The following UBXN4 variants were observed in gnomAD, a reference collection of about 807,000 sequenced individuals.
UBXN4 encodes the protein UBX domain protein 4, also known as UBX domain-containing protein 4.
UBXN4 carries 35 observed loss-of-function variants against 66.2 expected under a neutral mutation model. The observed-to-expected ratio is 0.53, with a 90% CI of 0.40 to 0.70. UBXN4 has a LOEUF of 0.70. Ranked by LOEUF, UBXN4 falls within the 30% of genes least tolerant of loss-of-function variation. UBXN4 has a pLI of 0.00. For synonymous variants in UBXN4, 203 were observed against 204.5 expected (o/e 0.99, Z 0.06); for missense variants, 533 against 599.8 (o/e 0.89, Z 1.16).
chr2:135,744,374 A>G lies in UBXN4; in HGVS notation c.82+2363A>G, dbSNP rs1265575106. 3.3e-5 allele frequency among the ~76,000 whole-genome samples: 5 copies of G among 151,394 alleles called. 1 individual carries two copies. In the East Asian group the frequency reaches 9.7e-4, roughly 29 times the overall value. On this transcript the variant is annotated intron_variant, in intron 1 of 12. Coordinates refer to ENST00000272638, the MANE Select transcript of UBXN4 (RefSeq NM_014607.4). ...TAGAGTTGATGTTAGGAGACGAGAG[A>G]TTACTACTACTTCAGCTAACAAATT...
rs376823426 is a variant in UBXN4, at chr2:135,772,910, G to A, written c.950+363G>A. On this transcript the variant is annotated intron_variant, in intron 9 of 12. Coordinates refer to ENST00000272638, the MANE Select transcript of UBXN4 (RefSeq NM_014607.4). ...AAATTAGCTGGGCATGGTGGCGGGC[G>A]CCTGTAGTCCCAGCTACGCGGGAGG... Among the ~76,000 whole-genome samples the A allele has an allele frequency of 2.1e-3, 314 of 152,050 alleles. 9 individuals are homozygous for A. In the East Asian group the frequency reaches 0.051, roughly 25 times the overall value.
intron 3 of UBXN4, chr2:135,753,870 G>A: frequency 2.2e-6 from 1 of 453,836 alleles, no homozygotes; most frequent in Non-Finnish European, 3.8e-6. Flanking sequence ...AGTTGGGTTG[G>A]AATGTTACAA....
chr2:135,748,230 C>A, intron 1 of UBXN4, 37 bp from the exon 2 acceptor site: 2 of 1,483,874 alleles, frequency 1.3e-6, no homozygotes, highest in Non-Finnish European at 1.8e-6. Context: ...ATCAGCAGAT[C>A]CCAGCCTGGT....
chr2:135,760,079 A>G (rs1349939851), intron 5 of UBXN4, among the ~76,000 whole-genome samples: 1 of 152,014 alleles, frequency 6.6e-6, no homozygotes, highest in African/African-American at 2.4e-5. Flanking sequence ...AGAATTTTTC[A>G]TTTAGGAATT....
intron 3 of UBXN4, 168 bp downstream of exon 3, chr2:135,753,735 A>T (rs2105494889): frequency 1.7e-6 from 1 of 591,792 alleles, no homozygotes; most frequent in East Asian, 3.4e-5. Flanking sequence ...TATTATAGGA[A>T]ATTTCAAACA....
rs1050313633 is a variant in UBXN4 at position 135,744,836 on chromosome 2, C to A, written c.82+2825C>A. On this transcript the variant is annotated intron_variant, in intron 1 of 12. Transcript: ENST00000272638. ...GATACCAGAGTTAGCAATCAGTCAT[C>A]CCACTCAGTAGTATTAGGAAAGTTG... Among the ~76,000 whole-genome samples the A allele has an allele frequency of 2.3e-4, 35 of 152,274 alleles. 1 individual carries two copies. Among genetic ancestry groups the A allele is most frequent in the African/African-American group, 8.4e-4 (35 of 41,552 alleles).
rs549877657 is a variant in UBXN4, at chr2:135,778,289, TA to T, written c.1054-646del. Among the ~76,000 whole-genome samples, 1,397 of 143,696 alleles carry T rather than the reference TA, an allele frequency of 9.7e-3. 7 individuals carry two copies. The highest frequency in any genetic ancestry group is 0.043 in the Middle Eastern group (12 of 280). The allele number at this position is 143,696 out of a possible 152,430, so 94.3% of individuals were successfully genotyped here. A position where few individuals can be genotyped will look rare whatever the true frequency, so the allele number is the denominator to read the frequency against. ...AGTGAGGGGTATGTGTGATCTACAG[TA>T]AAAAAAAAAAAATACGAAAAACAAG... On this transcript the variant is annotated intron_variant, in intron 10 of 12. Coordinates refer to ENST00000272638, the MANE Select transcript of UBXN4 (RefSeq NM_014607.4).
chr2:135,754,315 C>T (rs758161785), intron 4 of UBXN4, 38 bp downstream of exon 4: 14 of 1,517,458 alleles, frequency 9.2e-6, no homozygotes, highest in South Asian at 2.4e-5. Flanking sequence ...GTAAATGGTA[C>T]GTCAGGAATT....
intron 11 of UBXN4, among the ~76,000 whole-genome samples, chr2:135,779,902 A>AAT (rs200943146): frequency 2.1e-5 from 3 of 146,228 alleles, no homozygotes; most frequent in African/African-American, 7.4e-5. Flanking sequence ...TATAAAATAT[A>AAT]ATATATATAA....
chr2:135,753,562 A>C lies in UBXN4; in HGVS notation c.209A>C (p.Gln70Pro). 6.5e-7 allele frequency: 1 copy of C among 1,532,302 alleles called. No individual in the cohort carries two copies. Among genetic ancestry groups the C allele is most frequent in the Non-Finnish European group, 8.7e-7 (1 of 1,151,600 alleles). 94.9% of individuals were successfully genotyped at this position (1,532,302 alleles called of 1,614,324 possible). ...AGTGAAGCCTGCCTACAGTTTTCACAAATCTGTATCCTTTCAGTAAAGAAT... is the reference window on the plus strand; with the variant it reads ...AGTGAAGCCTGCCTACAGTTTTCACCAATCTGTATCCTTTCAGTAAAGAAT... The part of the protein sequence containing the change: ...TKSEACLQFS[Q>P]IYPVVCVPSS... Residue 70 changes from glutamine to proline, a missense_variant, in exon 3 of 13, where the codon CAA becomes CCA. Coordinates refer to ENST00000272638, the MANE Select transcript of UBXN4 (RefSeq NM_014607.4).
At chr2:135,778,182 AAAAAAAC>A (rs1559544159) in intron 10 of UBXN4, among the ~76,000 whole-genome samples, 2 of 151,210 alleles carry the variant, frequency 1.3e-5, no homozygotes, top group Non-Finnish European at 3.0e-5. Flanking sequence ...CTCAAAAAAA[AAAAAAAC>A]AAAAAAAAAC....
At chr2:135,761,540 G>A (rs1399941146) in intron 5 of UBXN4, among the ~76,000 whole-genome samples, 2 of 152,212 alleles carry the variant, frequency 1.3e-5, no homozygotes, top group African/African-American at 4.8e-5. Flanking sequence ...CCCATAGCCA[G>A]GCATGCCTCC....
intron 8 of UBXN4, among the ~76,000 whole-genome samples, chr2:135,772,038 G>C (rs1007132950): frequency 4.6e-5 from 7 of 152,186 alleles, no homozygotes; most frequent in African/African-American, 1.7e-4. Flanking sequence ...ATTTCAGGCA[G>C]CAAAGGCACA....
At chr2:135,744,861 G>T (rs2077197050) in intron 1 of UBXN4, among the ~76,000 whole-genome samples, 1 of 152,182 alleles carries the variant, frequency 6.6e-6, no homozygotes, top group African/African-American at 2.4e-5. Context: ...TAGGAAAGTT[G>T]TCATTAAGCA....
chr2:135,778,871 A>C (rs529208519), intron 10 of UBXN4, 77 bp from the exon 11 acceptor site: 3 of 1,387,940 alleles, frequency 2.2e-6, no homozygotes, highest in Non-Finnish European at 2.9e-6. Flanking sequence ...ATGTTAATTA[A>C]AGCATCATTT....
Position 135,755,540 on chromosome 2 carries a change from A to T in UBXN4, c.357A>T (p.Thr119=). 2 of 1,593,832 alleles carry T rather than the reference A, an allele frequency of 1.3e-6. No individual in the cohort carries two copies. Among genetic ancestry groups the T allele is most frequent in the Non-Finnish European group, 1.7e-6 (2 of 1,169,742 alleles). Residue 119 remains threonine, a synonymous_variant, in exon 5 of 13, where the codon ACA becomes ACT. Coordinates refer to ENST00000272638, the MANE Select transcript of UBXN4 (RefSeq NM_014607.4). ...AGATGCATTTGCTAAAAAGTGAAACATCAGTAGCAAATGGCAGTCAGTCAG... is the reference window on the plus strand; with the variant it reads ...AGATGCATTTGCTAAAAAGTGAAACTTCAGTAGCAAATGGCAGTCAGTCAG... ...VRQMHLLKSE[T]SVANGSQSES...
In UBXN4 at chr2:135,773,037, C is replaced by CAA. The variant is rs78669415; in HGVS notation, c.950+510_950+511dup. Reference sequence around the variant, plus strand: ...GGGCGACAGAGCGAGACTCCGTCCCCAAAAAAAAAAAAAAAAAAAAAGAGG... The same window carrying CAA: ...GGGCGACAGAGCGAGACTCCGTCCCCAAAAAAAAAAAAAAAAAAAAAAAGAGG... On this transcript the variant is annotated intron_variant, in intron 9 of 12. Coordinates refer to ENST00000272638, the MANE Select transcript of UBXN4 (RefSeq NM_014607.4). Among the ~76,000 whole-genome samples the CAA allele has an allele frequency of 2.3e-3, 181 of 79,772 alleles. 1 individual carries two copies. Among genetic ancestry groups the CAA allele is most frequent in the Middle Eastern group, 8.6e-3 (1 of 116 alleles). The allele number at this position is 79,772 out of a possible 152,430, so 52.3% of individuals were successfully genotyped here. A position where few individuals can be genotyped will look rare whatever the true frequency, so the allele number is the denominator to read the frequency against.
At chr2:135,755,423 A>G in intron 4 of UBXN4, 94 bp from the exon 5 acceptor site, 1 of 934,218 alleles carries the variant, frequency 1.1e-6, no homozygotes, top group East Asian at 3.2e-5. Context: ...TTCTCTTTTT[A>G]TAGAGTATAA....
In UBXN4 at chr2:135,748,361, T is replaced by A; in HGVS notation, c.177T>A (p.Asp59Glu). Reference protein sequence around the residue: ...SSNSFVAIKIDTKSEACLQFS... With the variant: ...SSNSFVAIKIETKSEACLQFS... ...ACAGTTTTGTTGCTATTAAAATCGA[T>A]ACCAAAAGGTTTGTTTATGTTTTAA... Residue 59 changes from aspartate (D) to glutamate (E), a missense_variant, in exon 2 of 13, where the codon GAT becomes GAA. Coordinates refer to ENST00000272638, the MANE Select transcript of UBXN4 (RefSeq NM_014607.4). 6.3e-7 allele frequency: 1 copy of A among 1,585,960 alleles called. No individual in the cohort carries two copies.
Sources: allele counts gnomAD v4.1 joint callset (sites outside exome capture counted in the v4.1 genomes callset), GRCh38; gene constraint gnomAD v4.1.1; transcripts MANE v1.5; gene names NCBI Gene and HGNC (gene_info 2026-07-23, HGNC 2026-07-21).